Variants in ZSCAN10 observed in about 807,000 individuals in gnomAD.
ZSCAN10 encodes zinc finger and SCAN domain containing 10.
In ZSCAN10, 52 loss-of-function variants were observed where a neutral mutation model predicts 63.7. The observed-to-expected ratio is 0.82, with a 90% confidence interval of 0.65 to 1.03. The LOEUF (loss-of-function observed/expected upper bound fraction) is 1.03, where lower values mean the gene tolerates loss of function less well. Among genes scored for constraint, ZSCAN10 ranks in the 50% least tolerant of loss-of-function variants. ZSCAN10 has a pLI of 0.00. For missense variants in ZSCAN10, 1,223 were observed against 1,103.8 expected, an observed-to-expected ratio of 1.11 and a Z score of -1.53; for synonymous variants, 544 against 479.6, an observed-to-expected ratio of 1.13 and a Z score of -1.76.
At chr16:3,094,898 G>A (rs1456750478) in intron 1 of ZSCAN10, among the ~76,000 whole-genome samples, 1 of 150,512 alleles carries the variant, frequency 6.6e-6, no homozygotes, top group African/African-American at 2.5e-5. Context: ...GGTGAGTATG[G>A]TGGGGATACT....
Position 3,089,369 on chromosome 16 carries a change from G to A in ZSCAN10, c.2065C>T (p.Pro689Ser). Residue 689 changes from proline (P) to serine (S), a missense_variant, in exon 6 of 6, where the codon CCC (proline) becomes TCC (serine). By Grantham distance (74) the Pro-to-Ser change is moderately conservative (BLOSUM62 -1). Transcript: ENST00000576985. ...RHRRSHTGER[P>S]YSCQTCGRSF... Reference sequence around the variant, plus strand: ...CGACCGCACGTCTGACAGCTGTAGGGCCGCTCGCCCGTGTGGCTGCGGCGA... The same window carrying A: ...CGACCGCACGTCTGACAGCTGTAGGACCGCTCGCCCGTGTGGCTGCGGCGA... The A allele has an allele frequency of 1.2e-6, 2 of 1,601,118 alleles. No individual in the cohort carries two copies. The highest frequency in any genetic ancestry group is 1.7e-6 in the Non-Finnish European group (2 of 1,178,248).
chr16:3,090,727 G>A, intron 5 of ZSCAN10, 81 bp from the exon 6 acceptor site: 1 of 1,436,594 alleles, frequency 7.0e-7, no homozygotes, highest in South Asian at 1.4e-5. Context: ...TGGCCTGGAA[G>A]TGGAAAGAAA....
intron 1 of ZSCAN10, among the ~76,000 whole-genome samples, chr16:3,094,684 C>G (rs950516667): frequency 6.6e-6 from 1 of 151,830 alleles, no homozygotes; most frequent in Non-Finnish European, 1.5e-5. Context: ...TGTTTAGGGC[C>G]TTGCAGGGAA....
At chr16:3,097,300 A>C (rs1189668610) in intron 1 of ZSCAN10, among the ~76,000 whole-genome samples, 3 of 151,754 alleles carry the variant, frequency 2.0e-5, no homozygotes, top group African/African-American at 7.3e-5. Flanking sequence ...CTAGAACATG[A>C]CCCATCTCTC....
chr16:3,098,123 G>A (rs972648836), intron 1 of ZSCAN10, among the ~76,000 whole-genome samples: 1 of 150,988 alleles, frequency 6.6e-6, no homozygotes, highest in African/African-American at 2.4e-5. Flanking sequence ...GGAAGAAAAT[G>A]GGATTACGTT....
At chr16:3,091,948 G>A (rs939802874) in intron 3 of ZSCAN10, 101 bp downstream of exon 3, 2 of 1,582,420 alleles carry the variant, frequency 1.3e-6, no homozygotes, top group South Asian at 1.2e-5. Context: ...GCGCTCTCCT[G>A]TCCTGGTCAC....
chr16:3,091,954 G>A, intron 3 of ZSCAN10, 95 bp downstream of exon 3: 1 of 1,577,172 alleles, frequency 6.3e-7, no homozygotes. Flanking sequence ...TCCTGTCCTG[G>A]TCACCTGGGG....
Position 3,092,639 on chromosome 16 carries a change from A to C in ZSCAN10, c.299T>G (p.Leu100Arg). 6.2e-7 allele frequency: 1 copy of C among 1,611,368 alleles called. No individual in the cohort carries two copies. The highest frequency in any genetic ancestry group is 8.5e-7 in the Non-Finnish European group (1 of 1,179,236). The change falls in exon 2 of 6, where the codon CTC becomes CGC. Residue 100 changes from leucine to arginine, a missense_variant. By Grantham distance (102) the Leu-to-Arg change is moderately radical (BLOSUM62 -2). Coordinates refer to ENST00000576985, the MANE Select transcript of ZSCAN10 (RefSeq NM_032805.3). ...EQFLSVLPPH[L>R]LGRLQGQPLR... ...CGGCTGCCCCTGCAGGCGGCCCAGG[A>C]GGTGCGGAGGCAGCACACTCAGGAA...
chr16:3,091,484 A>C, intron 5 of ZSCAN10, 56 bp downstream of exon 5: 1 of 1,585,086 alleles, frequency 6.3e-7, no homozygotes, highest in Non-Finnish European at 8.7e-7. Context: ...CTCTTTAAAA[A>C]AGACAAGAAA....
In ZSCAN10 at chr16:3,090,013, G is replaced by A. The variant is rs1957046902; in HGVS notation, c.1421C>T (p.Thr474Ile). 6.4e-7 allele frequency: 1 copy of A among 1,573,062 alleles called. No homozygotes were observed. The highest frequency in any genetic ancestry group is 1.4e-5 in the African/African-American group (1 of 73,918). Residue 474 changes from threonine (T) to isoleucine (I), a missense_variant, in exon 6 of 6, where the codon ACC becomes ATC. Transcript: ENST00000576985. ...PESKAEAPPL[T>I]DVLCSHCGQS... ...GCCGCAGTGGGAGCACAGGACATCGGTCAGTGGCGGCGCTTCGGCCTTACT... is the reference window on the plus strand; with the variant it reads ...GCCGCAGTGGGAGCACAGGACATCGATCAGTGGCGGCGCTTCGGCCTTACT...
intron 1 of ZSCAN10, among the ~76,000 whole-genome samples, chr16:3,093,986 G>GT (rs1567168454): frequency 6.6e-6 from 1 of 151,970 alleles, no homozygotes; most frequent in Non-Finnish European, 1.5e-5. Context: ...CACCAAGCCT[G>GT]TTTTTTAAAT....
chr16:3,090,047 C>A lies in ZSCAN10; in HGVS notation c.1387G>T (p.Ala463Ser), dbSNP rs780118358. Reference sequence around the variant, plus strand: ...GGCGCTTCGGCCTTACTCTCAGGAGCGCAGGGCGGCTTCTGGTCCTGGGCG... The same window carrying A: ...GGCGCTTCGGCCTTACTCTCAGGAGAGCAGGGCGGCTTCTGGTCCTGGGCG... ...AHAQDQKPPC[A>S]PESKAEAPPL... Residue 463 changes from alanine to serine, a missense_variant, in exon 6 of 6, where the codon GCT becomes TCT. Physicochemically the swap from Ala to Ser is moderately conservative, Grantham distance 99. Coordinates refer to ENST00000576985, the MANE Select transcript of ZSCAN10 (RefSeq NM_032805.3). 6.2e-7 allele frequency: 1 copy of A among 1,600,920 alleles called. No homozygotes were observed. Among genetic ancestry groups the A allele is most frequent in the Non-Finnish European group, 8.5e-7 (1 of 1,177,066 alleles).
chr16:3,091,357 G>T (rs1596284512), intron 5 of ZSCAN10, among the ~76,000 whole-genome samples, 183 bp downstream of exon 5: 1 of 151,904 alleles, frequency 6.6e-6, no homozygotes, highest in Admixed American at 6.6e-5. Flanking sequence ...AAAGAAAGAG[G>T]TGTTGGCCGG....
In ZSCAN10 at chr16:3,091,605, A is replaced by G. The variant is rs771644271; in HGVS notation, c.730-8T>C. 2.5e-6 allele frequency: 4 copies of G among 1,614,102 alleles called. No individual in the cohort carries two copies. The highest frequency in any genetic ancestry group is 3.4e-6 in the Non-Finnish European group (4 of 1,180,030). On this transcript the variant is annotated splice_region_variant and splice_polypyrimidine_tract_variant and intron_variant, in intron 4 of 5. Coordinates refer to ENST00000576985, the MANE Select transcript of ZSCAN10 (RefSeq NM_032805.3). ...CTCAAAGGTCAGGCACTCCTGTATCAAGAGCAGAAACCCTTGGTGAGTGAG... is the reference window on the plus strand; with the variant it reads ...CTCAAAGGTCAGGCACTCCTGTATCGAGAGCAGAAACCCTTGGTGAGTGAG...
chr16:3,093,059 C>G, intron 1 of ZSCAN10, 55 bp from the exon 2 acceptor site: 6 of 1,268,092 alleles, frequency 4.7e-6, no homozygotes, highest in East Asian at 3.0e-5. Context: ...TGGCCCCATA[C>G]CTGGGTCATC....
rs61735554 is a variant in ZSCAN10 at position 3,092,668 on chromosome 16, C to T, written c.270G>A (p.Glu90=). 1.7e-4 allele frequency: 280 copies of T among 1,613,372 alleles called. 2 individuals are homozygous for T. The African/African-American group carries it at 3.4e-3, about 20-fold the overall frequency. ...GCGGAGGCAGCACACTCAGGAACTG[C>T]TCCAGCACCAGCAGCTCCAGGATCT... The part of the protein sequence containing the change: ...KKQILELLVL[E]QFLSVLPPHL... The change falls in exon 2 of 6, where the codon GAG becomes GAA. Residue 90 remains glutamate (E), a synonymous_variant. Coordinates refer to ENST00000576985, the MANE Select transcript of ZSCAN10 (RefSeq NM_032805.3).
intron 5 of ZSCAN10, among the ~76,000 whole-genome samples, chr16:3,091,246 C>T (rs779031523): frequency 2.4e-4 from 37 of 151,590 alleles, no homozygotes; most frequent in Non-Finnish European, 4.3e-4. Context: ...CAGGAGGTCC[C>T]GGCTGCAGTG....
chr16:3,093,464 CGAG>C (rs1466891958), intron 1 of ZSCAN10: 1 of 149,818 alleles, frequency 6.7e-6, no homozygotes, highest in African/African-American at 2.5e-5. Context: ...TACAGTGAGC[CGAG>C]ATCGCGCCAC....
rs111369038 is a variant in ZSCAN10 at position 3,089,991 on chromosome 16, G to A, written c.1443C>T (p.Cys481=). 9.0e-6 allele frequency: 14 copies of A among 1,555,078 alleles called. No homozygotes were observed. Among genetic ancestry groups the A allele is most frequent in the African/African-American group, 6.8e-5 (5 of 73,492 alleles). ...PPLTDVLCSH[C]GQSFQRRSSL... ...TGGAGCGGCGCTGGAAGCTCTGGCC[G>A]CAGTGGGAGCACAGGACATCGGTCA... Residue 481 remains cysteine (C), a synonymous_variant, in exon 6 of 6, where the codon TGC becomes TGT. Transcript: ENST00000576985.
Sources: allele counts gnomAD v4.1 joint callset (sites outside exome capture counted in the v4.1 genomes callset), GRCh38; gene constraint gnomAD v4.1.1; transcripts MANE v1.5; gene names NCBI Gene and HGNC (gene_info 2026-07-23, HGNC 2026-07-21).